The following RAB33B variants were observed in gnomAD, a reference collection of about 807,000 sequenced individuals.
RAB33B encodes RAB33B, member RAS oncogene family.
A neutral mutation model predicts 15.0 loss-of-function variants in RAB33B; 6 were observed. That is an observed-to-expected ratio of 0.40 (90% CI 0.22 to 0.79). The LOEUF is 0.79. Among genes scored for constraint, RAB33B ranks in the 30% least tolerant of loss-of-function variants. RAB33B has a pLI of 0.37. For missense variants in RAB33B, 257 were observed against 296.4 expected (o/e 0.87, Z 0.98); for synonymous variants, 117 against 108.3 (o/e 1.08, Z -0.50).
chr4:139,458,107 G>C lies in RAB33B; in HGVS notation c.249+3663G>C, dbSNP rs1018325602. 2.0e-4 allele frequency among the ~76,000 whole-genome samples: 30 copies of C among 152,050 alleles called. 1 individual carries two copies. On this transcript the variant is annotated intron_variant, in intron 1 of 1. Coordinates refer to ENST00000305626, the MANE Select transcript of RAB33B (RefSeq NM_031296.3). ...AAGATTTATCTCCCCTAACTCAAGT[G>C]CCCTTTATATTATATTCTCCATTAT...
chr4:139,463,033 A>G (rs1381059924), intron 1 of RAB33B, among the ~76,000 whole-genome samples: 1 of 152,116 alleles, frequency 6.6e-6, no homozygotes, highest in Non-Finnish European at 1.5e-5. Flanking sequence ...GGGTGTGGTG[A>G]CACACTCCTG....
chr4:139,444,957 C>A, the RAB33B span, among the ~76,000 whole-genome samples: 1 of 152,202 alleles, frequency 6.6e-6, no homozygotes, highest in Non-Finnish European at 1.5e-5. Flanking sequence ...TTAGTGCCAC[C>A]ATCAAGGACT....
In RAB33B at chr4:139,454,182, G is replaced by A. The variant is rs1750014653; in HGVS notation, c.-14G>A. Reference sequence around the variant, plus strand: ...TCTCCTTTCCTCCGCCTCAGTTTGGGGCGGGTCGGGGGAATGGCTGAGGAG... The same window carrying A: ...TCTCCTTTCCTCCGCCTCAGTTTGGAGCGGGTCGGGGGAATGGCTGAGGAG... On this transcript the variant is annotated 5_prime_UTR_variant, in exon 1 of 2. Transcript: ENST00000305626. 2 of 1,602,688 alleles carry A rather than the reference G, an allele frequency of 1.2e-6. No homozygotes were observed. The highest frequency in any genetic ancestry group is 2.2e-5 in the South Asian group (2 of 89,762).
the RAB33B span, among the ~76,000 whole-genome samples, chr4:139,445,215 C>T: frequency 6.6e-6 from 1 of 152,214 alleles, no homozygotes; most frequent in Non-Finnish European, 1.5e-5. Flanking sequence ...CCATAAGGCC[C>T]ACCAGAAGCA....
Position 139,475,262 on chromosome 4 carries a change from C to A in RAB33B, c.*2136C>A, listed in dbSNP as rs2111090734. 6.6e-6 allele frequency: 1 copy of A among 152,044 alleles called. No homozygotes were observed. The highest frequency in any genetic ancestry group is 6.6e-5 in the Admixed American group (1 of 15,266). The allele number at this position is 152,044 out of a possible 1,614,324, so 9.4% of individuals were successfully genotyped here. A position where few individuals can be genotyped will look rare whatever the true frequency, so the allele number is the denominator to read the frequency against. On this transcript the variant is annotated 3_prime_UTR_variant, in exon 2 of 2. Coordinates refer to ENST00000305626, the MANE Select transcript of RAB33B (RefSeq NM_031296.3). ...AGAAGGGAATCTGTTTATCGCTTTT[C>A]AAAATATTTTCTAAAGTGGGGGAAG...
the RAB33B span, among the ~76,000 whole-genome samples, chr4:139,445,242 C>A: frequency 6.6e-6 from 1 of 152,240 alleles, no homozygotes; most frequent in Admixed American, 6.5e-5. Flanking sequence ...CTTCAGCTGG[C>A]AAGGCCAGCA....
At chr4:139,455,247 G>A (rs1750045163) in intron 1 of RAB33B, among the ~76,000 whole-genome samples, 1 of 152,170 alleles carries the variant, frequency 6.6e-6, no homozygotes. Context: ...CAAGGCTTAG[G>A]CCTCTTGATG....
chr4:139,439,803 G>A, the RAB33B span, among the ~76,000 whole-genome samples: 1 of 152,088 alleles, frequency 6.6e-6, no homozygotes, highest in African/African-American at 2.4e-5. Context: ...TGTTCAATGT[G>A]CCTTTGAATC....
At chr4:139,452,691 C>T (rs1749953546), upstream of RAB33B, 1 of 152,168 alleles carries the variant, frequency 6.6e-6, no homozygotes, top group Non-Finnish European at 1.5e-5. Context: ...GAAAGTCTTT[C>T]TACAGCAACA....
rs1032879311 is a variant in RAB33B at position 139,476,598 on chromosome 4, T to C, written c.*3472T>C. 3.3e-5 allele frequency: 5 copies of C among 152,234 alleles called. No individual in the cohort carries two copies. Among genetic ancestry groups the C allele is most frequent in the Non-Finnish European group, 7.3e-5 (5 of 68,046 alleles). The allele number at this position is 152,234 out of a possible 1,614,324, so 9.4% of individuals were successfully genotyped here. A position where few individuals can be genotyped will look rare whatever the true frequency, so the allele number is the denominator to read the frequency against. ...GTCATGTGTTCTCTATTTGTGTTAG[T>C]GGAGCTACATAGACACTGTCCTTGA... On this transcript the variant is annotated 3_prime_UTR_variant, in exon 2 of 2. Coordinates refer to ENST00000305626, the MANE Select transcript of RAB33B (RefSeq NM_031296.3).
At position 139,469,720 on chromosome 4, in the gene RAB33B, A is replaced by G. The variant is rs1174371551; in HGVS notation, c.250-2966A>G. On this transcript the variant is annotated intron_variant, in intron 1 of 1. Transcript: ENST00000305626. ...CTGCCTTAGGGGTTACCCTAAGCCC[A>G]GTAACACTGTGGTTCTTGCAGACTC... Among the ~76,000 whole-genome samples, 5 of 152,338 alleles carry G rather than the reference A, an allele frequency of 3.3e-5. No individual in the cohort carries two copies. The East Asian group carries it at 9.6e-4, about 29-fold the overall frequency.
chr4:139,443,386 A>G, the RAB33B span, among the ~76,000 whole-genome samples: 19 of 152,216 alleles, frequency 1.2e-4, no homozygotes, highest in Non-Finnish European at 2.2e-4. Flanking sequence ...GACTCTATAC[A>G]TAATACCTTT....
intron 1 of RAB33B, among the ~76,000 whole-genome samples, chr4:139,466,211 C>G (rs1050581589): frequency 6.6e-6 from 1 of 152,112 alleles, no homozygotes; most frequent in Admixed American, 6.5e-5. Flanking sequence ...GAGGGCGGGT[C>G]TAAATTCTGC....
Position 139,474,734 on chromosome 4 carries a change from C to A in RAB33B, c.*1608C>A, listed in dbSNP as rs960358575. 2 of 152,556 alleles carry A rather than the reference C, an allele frequency of 1.3e-5. No homozygotes were observed. The highest frequency in any genetic ancestry group is 1.3e-4 in the Admixed American group (2 of 15,266). 9.5% of individuals were successfully genotyped at this position (152,556 alleles called of 1,614,324 possible). A position where few individuals can be genotyped will look rare whatever the true frequency, so the allele number is the denominator to read the frequency against. ...AAATACTTTTATTTTGAATTTAAGTCTTTGCACATAAAATATAGCAAGCTT... is the reference window on the plus strand; with the variant it reads ...AAATACTTTTATTTTGAATTTAAGTATTTGCACATAAAATATAGCAAGCTT... On this transcript the variant is annotated 3_prime_UTR_variant, in exon 2 of 2. Coordinates refer to ENST00000305626, the MANE Select transcript of RAB33B (RefSeq NM_031296.3).
intron 1 of RAB33B, among the ~76,000 whole-genome samples, chr4:139,469,969 T>C (rs1750359608): frequency 6.6e-6 from 1 of 152,144 alleles, no homozygotes; most frequent in Admixed American, 6.5e-5. Flanking sequence ...TACTTTTGCC[T>C]CTGCACTAGG....
chr4:139,454,039 G>A, upstream of RAB33B: 2 of 836,166 alleles, frequency 2.4e-6, no homozygotes, highest in Non-Finnish European at 3.5e-6. Context: ...AGGGCGGGGC[G>A]GGAAGGTGCG....
intron 1 of RAB33B, among the ~76,000 whole-genome samples, chr4:139,468,163 G>A (rs111249618): frequency 6.6e-6 from 1 of 152,078 alleles, no homozygotes; most frequent in Non-Finnish European, 1.5e-5. Flanking sequence ...AAGGCAGAAG[G>A]TGAAAGGCAT....
chr4:139,467,296 C>T (rs111414914), intron 1 of RAB33B, among the ~76,000 whole-genome samples: 6,812 of 136,050 alleles, frequency 0.05, 206 homozygotes, highest in East Asian at 0.082. Context: ...TTCCCCACCA[C>T]GCCCCCCGCC....
intron 1 of RAB33B, among the ~76,000 whole-genome samples, chr4:139,465,916 C>G (rs924950749): frequency 2.0e-5 from 3 of 150,404 alleles, no homozygotes; most frequent in South Asian, 2.1e-4. Flanking sequence ...TTTTAAGAGA[C>G]GAGGTCTCAC....
Sources: gnomAD v4.1 joint callset for allele counts (sites outside exome capture counted in the v4.1 genomes callset) on GRCh38, gnomAD v4.1.1 for gene constraint, MANE v1.5 for transcripts, NCBI Gene and HGNC (gene_info 2026-07-23, HGNC 2026-07-21) for gene names.